The following CINP variants were observed in gnomAD, a reference collection of about 807,000 sequenced individuals.
CINP encodes cyclin-dependent kinase 2-interacting protein.
A neutral mutation model predicts 20.5 loss-of-function variants in CINP; 11 were observed. The ratio of observed to expected loss-of-function variants is 0.54; its 90% CI spans 0.34 to 0.89. CINP has a LOEUF of 0.89. Ranked by LOEUF, CINP falls within the 40% of genes least tolerant of loss-of-function variation. CINP has a pLI of 0.02. For missense variants in CINP, 213 were observed against 251.0 expected, an observed-to-expected ratio of 0.85 and a Z score of 1.02; for synonymous variants, 108 against 102.1, an observed-to-expected ratio of 1.06 and a Z score of -0.35.
At chr14:102,353,674 C>T (rs954395147) in intron 3 of CINP, among the ~76,000 whole-genome samples, 2 of 152,140 alleles carry the variant, frequency 1.3e-5, no homozygotes, top group Non-Finnish European at 2.9e-5. Flanking sequence ...ACCAGTATCC[C>T]TCAACATTGT....
chr14:102,357,368 C>T (rs1401301789), intron 2 of CINP, among the ~76,000 whole-genome samples: 2 of 112,574 alleles, frequency 1.8e-5, no homozygotes, highest in South Asian at 3.0e-4. Flanking sequence ...AGCGACAGAG[C>T]GAGACTCCAT....
intron 3 of CINP, chr14:102,355,513 T>C (rs1886978402): frequency 2.8e-6 from 1 of 353,218 alleles, no homozygotes; most frequent in Non-Finnish European, 5.2e-6. Flanking sequence ...AGACTCCATA[T>C]CATGGAAAAA....
chr14:102,358,416 C>T (rs1479597110), intron 2 of CINP, among the ~76,000 whole-genome samples: 1 of 152,226 alleles, frequency 6.6e-6, no homozygotes, highest in Non-Finnish European at 1.5e-5. Flanking sequence ...CGCAGTGGCT[C>T]ATGCCTGTAA....
At chr14:102,352,386 T>G (rs1886887616) in intron 3 of CINP, 1 of 400,156 alleles carries the variant, frequency 2.5e-6, no homozygotes, top group African/African-American at 2.1e-5. Context: ...CGTGCAGCCC[T>G]GAATGAACAG....
Position 102,362,820 on chromosome 14 carries a change from C to A in CINP, c.7+25G>T, listed in dbSNP as rs747358634. 3.7e-6 allele frequency: 6 copies of A among 1,613,892 alleles called. No individual in the cohort carries two copies. In the Admixed American group the frequency reaches 6.7e-5, roughly 18 times the overall value. ...AGTAACATTCACAGCCACCCCACCC[C>A]GGGAAAGGAACCGATCTCACGCACC... On this transcript the variant is annotated intron_variant, in intron 1 of 4. Coordinates refer to ENST00000216756, the MANE Select transcript of CINP (RefSeq NM_032630.3).
At position 102,355,780 on chromosome 14, in the gene CINP, G is replaced by C. The variant is rs1886984718; in HGVS notation, c.294C>G (p.Thr98=). Residue 98 remains threonine (T), a synonymous_variant, in exon 3 of 5, where the codon ACC becomes ACG. Coordinates refer to ENST00000216756, the MANE Select transcript of CINP (RefSeq NM_032630.3). ...LEKLCEELQA[T]LDGLTKIQVK... ...CTTTATGTCTTACCAACCCATCCAA[G>C]GTGGCCTGCAGTTCCTCACACAGCT... 5 of 1,613,850 alleles carry C rather than the reference G, an allele frequency of 3.1e-6. No individual in the cohort carries two copies. The highest frequency in any genetic ancestry group is 4.2e-6 in the Non-Finnish European group (5 of 1,179,926).
At chr14:102,353,137 CAA>C (rs532432783) in intron 3 of CINP, among the ~76,000 whole-genome samples, 2 of 123,654 alleles carry the variant, frequency 1.6e-5, no homozygotes, top group Admixed American at 8.3e-5. Flanking sequence ...AACTCCATCT[CAA>C]AAAAAAAAAA....
chr14:102,350,715 C>T (rs1886846954), intron 3 of CINP, among the ~76,000 whole-genome samples: 1 of 148,638 alleles, frequency 6.7e-6, no homozygotes, highest in African/African-American at 2.5e-5. Context: ...GTTTCTGATG[C>T]TCTCTCTCTC....
intron 2 of CINP, among the ~76,000 whole-genome samples, chr14:102,356,623 T>C (rs760212969): frequency 6.6e-6 from 1 of 152,224 alleles, no homozygotes; most frequent in Non-Finnish European, 1.5e-5. Flanking sequence ...CAACCCTCTG[T>C]ATGTAGAGCA....
At chr14:102,356,948 A>G (rs1422464346) in intron 2 of CINP, among the ~76,000 whole-genome samples, 1 of 152,168 alleles carries the variant, frequency 6.6e-6, no homozygotes, top group Non-Finnish European at 1.5e-5. Context: ...ATAGCCCTAC[A>G]TTGGCCTCTA....
intron 1 of CINP, among the ~76,000 whole-genome samples, chr14:102,360,480 A>G (rs147328783): frequency 1.4e-4 from 21 of 152,258 alleles, no homozygotes; most frequent in African/African-American, 5.1e-4. Flanking sequence ...TCCAGGACAC[A>G]CAACAGCTGG....
chr14:102,348,369 G>A lies in CINP; in HGVS notation c.*188C>T, dbSNP rs2139622588. 1.7e-6 allele frequency: 1 copy of A among 592,904 alleles called. No homozygotes were observed. The highest frequency in any genetic ancestry group is 3.0e-6 in the Non-Finnish European group (1 of 334,508). The allele number at this position is 592,904 out of a possible 1,614,324, so 36.7% of individuals were successfully genotyped here. A position where few individuals can be genotyped will look rare whatever the true frequency, so the allele number is the denominator to read the frequency against. On this transcript the variant is annotated 3_prime_UTR_variant, in exon 5 of 5. Transcript: ENST00000216756. ...GGCAGAGAAGGCTGAGCAGCACCAC[G>A]TGGGGCTGGCCGCGGGTTGTGGGCA... is the stretch of plus-strand genomic sequence containing the variant.
At chr14:102,353,067 G>A (rs570463863) in intron 3 of CINP, among the ~76,000 whole-genome samples, 1 of 151,440 alleles carries the variant, frequency 6.6e-6, no homozygotes, top group African/African-American at 2.4e-5. Flanking sequence ...AACCCAGGAG[G>A]CAGAGGTTGC....
At chr14:102,360,487 C>G (rs994645093) in intron 1 of CINP, among the ~76,000 whole-genome samples, 1 of 152,168 alleles carries the variant, frequency 6.6e-6, no homozygotes, top group Non-Finnish European at 1.5e-5. Context: ...CACACAACAG[C>G]TGGATGGTTT....
chr14:102,354,029 C>A (rs1886936735), intron 3 of CINP, among the ~76,000 whole-genome samples: 1 of 152,216 alleles, frequency 6.6e-6, no homozygotes, highest in Admixed American at 6.5e-5. Context: ...GTAAAGGCTG[C>A]AGTGAGCTGT....
chr14:102,362,873 A>T lies in CINP; in HGVS notation c.-22T>A. 4 of 1,613,760 alleles carry T rather than the reference A, an allele frequency of 2.5e-6. No homozygotes were observed. The highest frequency in any genetic ancestry group is 3.4e-6 in the Non-Finnish European group (4 of 1,179,846). On this transcript the variant is annotated 5_prime_UTR_variant, in exon 1 of 5. Transcript: ENST00000216756. ...CCATAAGGTCCACAGATATCCGTAG[A>T]AGGAGACGCGAAGCCCCGCCCACCC...
intron 2 of CINP, among the ~76,000 whole-genome samples, chr14:102,357,255 A>G (rs1225549123): frequency 6.6e-6 from 1 of 151,882 alleles, no homozygotes; most frequent in Non-Finnish European, 1.5e-5. Flanking sequence ...GGCGGTGTGC[A>G]CCTGTAGTCC....
rs565955668 is a variant in CINP, at chr14:102,352,223, T to C, written c.307-2175A>G. On this transcript the variant is annotated intron_variant, in intron 3 of 4. Coordinates refer to ENST00000216756, the MANE Select transcript of CINP (RefSeq NM_032630.3). The stretch of plus-strand genomic sequence containing the variant: ...TAACACCCAATCCTCTGCTCTTTCC[T>C]GTGAGTCCTGCAGCAGCTCCCTGGT... Among the ~76,000 whole-genome samples the C allele has an allele frequency of 2.0e-5, 3 of 152,288 alleles. No homozygotes were observed. The East Asian group carries it at 5.8e-4, about 29-fold the overall frequency.
rs114596103 is a variant in CINP at position 102,351,340 on chromosome 14, C to T, written c.307-1292G>A. Among the ~76,000 whole-genome samples, 841 of 152,268 alleles carry T rather than the reference C, an allele frequency of 5.5e-3. 9 individuals carry two copies. The highest frequency in any genetic ancestry group is 0.019 in the African/African-American group (786 of 41,548). On this transcript the variant is annotated intron_variant, in intron 3 of 4. Coordinates refer to ENST00000216756, the MANE Select transcript of CINP (RefSeq NM_032630.3). This position sits in a 1 kb window ranked among gnomAD's most constrained non-coding sequence, Gnocchi z 4.2. ...TACTTGTGGGAGACACTAAACCAAC[C>T]CCACTGCACACACCAGGCAGCACAG... is the stretch of plus-strand genomic sequence containing the variant.
Sources: gnomAD v4.1 joint callset for allele counts (sites outside exome capture counted in the v4.1 genomes callset) on GRCh38, gnomAD v4.1.1 for gene constraint, Gnocchi (gnomAD v3.1) non-coding constraint, MANE v1.5 for transcripts, NCBI Gene and HGNC (gene_info 2026-07-23, HGNC 2026-07-21) for gene names.